The following LRP1B variants were observed in gnomAD, a reference collection of about 807,000 sequenced individuals.
LRP1B encodes LDL receptor related protein 1B.
LRP1B carries 217 observed loss-of-function variants against 556.6 expected under a neutral mutation model. That is an observed-to-expected ratio of 0.39 (90% CI 0.35 to 0.44). The LOEUF (loss-of-function observed/expected upper bound fraction) is 0.44. LRP1B is among the 20% of genes least tolerant of loss of function. The pLI, the probability that LRP1B is intolerant of heterozygous loss-of-function variation, is 1.00. For synonymous variants in LRP1B, 2,047 were observed against 1,865.8 expected, an observed-to-expected ratio of 1.10 and a Z score of -2.50; for missense variants, 5,053 against 5,620.8, an observed-to-expected ratio of 0.90 and a Z score of 3.23.
chr2:140,576,342 C>T (rs2105121540), intron 43 of LRP1B, among the ~76,000 whole-genome samples: 1 of 152,286 alleles, frequency 6.6e-6, no homozygotes, highest in East Asian at 1.9e-4. Context: ...AAAGCTTTTA[C>T]TTGCTTTGTA....
chr2:141,164,271 A>G (rs1574143115), intron 7 of LRP1B, among the ~76,000 whole-genome samples: 1 of 152,020 alleles, frequency 6.6e-6, no homozygotes, highest in African/African-American at 2.4e-5. Context: ...TGTCAGGTAT[A>G]GGGATACAAC....
chr2:140,357,851 T>G, intron 74 of LRP1B, 128 bp downstream of exon 74: 1 of 1,089,168 alleles, frequency 9.2e-7, no homozygotes, highest in South Asian at 2.0e-5. Flanking sequence ...TGGCAAAGGT[T>G]TTTGAAAAAG....
At chr2:140,711,446 A>C (rs1687028340) in intron 37 of LRP1B, among the ~76,000 whole-genome samples, 1 of 151,930 alleles carries the variant, frequency 6.6e-6, no homozygotes, top group African/African-American at 2.4e-5. Context: ...ACTTCCCACT[A>C]TTCCATCACT....
chr2:140,995,352 T>A (rs1697213468), intron 15 of LRP1B, among the ~76,000 whole-genome samples: 2 of 152,054 alleles, frequency 1.3e-5, no homozygotes, highest in Non-Finnish European at 2.9e-5. Flanking sequence ...ACTTCCCAAA[T>A]AAAACATTTT....
At chr2:141,590,645 G>C (rs7557786) in intron 2 of LRP1B, among the ~76,000 whole-genome samples, 58,376 of 151,898 alleles carry the variant, frequency 0.38, 11,686 homozygotes, top group East Asian at 0.69. Flanking sequence ...CTCCCCACAA[G>C]AGCAGGGATT....
chr2:140,318,793 T>G (rs991979977), intron 82 of LRP1B, among the ~76,000 whole-genome samples: 2 of 152,150 alleles, frequency 1.3e-5, no homozygotes, highest in Non-Finnish European at 2.9e-5. Context: ...GAGCTTCTAA[T>G]GCTTCCATTT....
rs557120675 is a variant in LRP1B at position 141,872,398 on chromosome 2, T to A, written c.83-61997A>T. Among the ~76,000 whole-genome samples, 11 of 152,004 alleles carry A rather than the reference T, an allele frequency of 7.2e-5. No individual in the cohort carries two copies. In the East Asian group the frequency reaches 2.1e-3, roughly 29 times the overall value. ...CAAAGTTCCCAAAGGAGGACAGATTTGACTTAAATAATAATAAAGAGCATT... is the reference window on the plus strand; with the variant it reads ...CAAAGTTCCCAAAGGAGGACAGATTAGACTTAAATAATAATAAAGAGCATT... On this transcript the variant is annotated intron_variant, in intron 1 of 90. Transcript: ENST00000389484.
At chr2:141,648,059 A>G (rs534314314) in intron 2 of LRP1B, among the ~76,000 whole-genome samples, 1 of 152,194 alleles carries the variant, frequency 6.6e-6, no homozygotes, top group South Asian at 2.1e-4. Context: ...TCTCACTTGG[A>G]AGATGTTATG....
At chr2:140,794,706 T>C (rs993368745) in intron 32 of LRP1B, among the ~76,000 whole-genome samples, 6 of 151,934 alleles carry the variant, frequency 3.9e-5, no homozygotes, top group Admixed American at 2.0e-4. Context: ...CCCCGCCTCC[T>C]GGGTTCAAGC....
At chr2:142,098,388 A>G (rs898608195) in intron 1 of LRP1B, among the ~76,000 whole-genome samples, 1 of 151,804 alleles carries the variant, frequency 6.6e-6, no homozygotes, top group African/African-American at 2.4e-5. Flanking sequence ...TTAAAAATAT[A>G]TATTTGAATT....
At chr2:141,215,775 T>C (rs150620725) in intron 6 of LRP1B, among the ~76,000 whole-genome samples, 32 of 152,246 alleles carry the variant, frequency 2.1e-4, no homozygotes, top group African/African-American at 7.7e-4. Flanking sequence ...AGCAAAGCAT[T>C]CAAGATGTGT....
chr2:142,071,401 T>C (rs1228281534), intron 1 of LRP1B, among the ~76,000 whole-genome samples: 2 of 151,974 alleles, frequency 1.3e-5, no homozygotes, highest in Non-Finnish European at 2.9e-5. Context: ...GTCAGCAAAT[T>C]GTGACATTTG....
intron 2 of LRP1B, among the ~76,000 whole-genome samples, chr2:141,596,500 T>C (rs937078878): frequency 3.3e-5 from 5 of 152,064 alleles, no homozygotes; most frequent in African/African-American, 1.2e-4. Flanking sequence ...CTTCTTTTTC[T>C]ATTAGGTAAC....
At chr2:140,835,297 G>T (rs932383449) in intron 31 of LRP1B, among the ~76,000 whole-genome samples, 1 of 152,070 alleles carries the variant, frequency 6.6e-6, no homozygotes, top group African/African-American at 2.4e-5. Flanking sequence ...TTAACTCACA[G>T]GAAAAGGAAA....
chr2:140,784,527 C>T (rs956210451), intron 32 of LRP1B, among the ~76,000 whole-genome samples: 5 of 150,986 alleles, frequency 3.3e-5, no homozygotes, highest in East Asian at 2.0e-4. Context: ...AGACACAGCC[C>T]GGAAACACCA....
At chr2:141,297,266 A>C (rs1422674067) in intron 3 of LRP1B, among the ~76,000 whole-genome samples, 5 of 152,198 alleles carry the variant, frequency 3.3e-5, no homozygotes, top group Admixed American at 6.5e-5. Flanking sequence ...ATATCATCTC[A>C]CACAAGTCAG....
chr2:141,207,165 C>G (rs1375927715), intron 6 of LRP1B, among the ~76,000 whole-genome samples: 2 of 152,132 alleles, frequency 1.3e-5, no homozygotes, highest in African/African-American at 4.8e-5. Context: ...TCTCATTTAA[C>G]AATTTTAAGA....
chr2:140,522,314 C>T (rs2104956457), intron 49 of LRP1B, among the ~76,000 whole-genome samples: 1 of 151,920 alleles, frequency 6.6e-6, no homozygotes, highest in South Asian at 2.1e-4. Context: ...CTAAAACTTG[C>T]TCCGAATGAA....
chr2:142,077,532 G>A (rs1208262248), intron 1 of LRP1B, among the ~76,000 whole-genome samples: 1 of 152,076 alleles, frequency 6.6e-6, no homozygotes, highest in East Asian at 1.9e-4. Context: ...ATGTCTATTA[G>A]TAAGAATAGA....
Sources: allele counts gnomAD v4.1 joint callset (sites outside exome capture counted in the v4.1 genomes callset), GRCh38; gene constraint gnomAD v4.1.1; transcripts MANE v1.5; gene names NCBI Gene and HGNC (gene_info 2026-07-23, HGNC 2026-07-21).